CHODL: variants seen among roughly 807,000 people sequenced by gnomAD.
CHODL encodes the protein chondrolectin, also known as transmembrane protein MT75.
A neutral mutation model predicts 34.5 loss-of-function variants in CHODL; 29 were observed. The observed-to-expected ratio is 0.84, with a 90% CI of 0.63 to 1.15. The LOEUF (loss-of-function observed/expected upper bound fraction) is 1.15. Among genes scored for constraint, CHODL ranks in the 50% most tolerant of loss-of-function variants. The pLI is 0.00. For missense variants in CHODL, 332 were observed against 332.5 expected (o/e 1.00, Z 0.01); for synonymous variants, 125 against 116.1 (o/e 1.08, Z -0.49).
intron 2 of CHODL, among the ~76,000 whole-genome samples, chr21:18,062,951 AT>A (rs903150835): frequency 2.0e-5 from 3 of 152,194 alleles, no homozygotes; most frequent in African/African-American, 7.2e-5. Flanking sequence ...AATTCTTCTG[AT>A]TTTAAAAAAG....
At chr21:18,057,983 A>G (rs2064605458) in intron 2 of CHODL, among the ~76,000 whole-genome samples, 1 of 152,110 alleles carries the variant, frequency 6.6e-6, no homozygotes, top group Non-Finnish European at 1.5e-5. Flanking sequence ...GAGAACTTCA[A>G]AATCCTCTTG....
intron 2 of CHODL, among the ~76,000 whole-genome samples, chr21:18,232,969 A>ATATATATATATATG (rs1568947327): frequency 7.2e-6 from 1 of 138,958 alleles, no homozygotes; most frequent in African/African-American, 3.0e-5. Flanking sequence ...ATATATATAT[A>ATATATATATATATG]TATGTATATA....
intron 1 of CHODL, among the ~76,000 whole-genome samples, chr21:17,965,521 A>G (rs909003710): frequency 6.6e-6 from 1 of 152,086 alleles, no homozygotes. Flanking sequence ...TCAACTTTGA[A>G]ATGCCACCTC....
chr21:18,155,486 A>G (rs2073023757), intron 2 of CHODL, among the ~76,000 whole-genome samples: 1 of 152,200 alleles, frequency 6.6e-6, no homozygotes, highest in Non-Finnish European at 1.5e-5. Context: ...AGGAAAGAAG[A>G]GGTTCTTCCC....
At chr21:18,229,214 A>G (rs774502807) in intron 2 of CHODL, among the ~76,000 whole-genome samples, 2 of 152,206 alleles carry the variant, frequency 1.3e-5, no homozygotes, top group Non-Finnish European at 2.9e-5. Context: ...TTGCCTTCTT[A>G]TATGTGCAGA....
chr21:18,075,984 C>A (rs1301278458), intron 2 of CHODL, among the ~76,000 whole-genome samples: 3 of 152,194 alleles, frequency 2.0e-5, no homozygotes, highest in Non-Finnish European at 4.4e-5. Flanking sequence ...TTCCCAGACA[C>A]TGAATCTGGA....
chr21:17,996,832 C>T (rs368041612), intron 1 of CHODL, among the ~76,000 whole-genome samples: 1 of 152,102 alleles, frequency 6.6e-6, no homozygotes, highest in African/African-American at 2.4e-5. Flanking sequence ...AATTCATAAA[C>T]TCTTTGGATG....
At chr21:17,988,668 G>T (rs1413733243) in intron 1 of CHODL, among the ~76,000 whole-genome samples, 6 of 143,804 alleles carry the variant, frequency 4.2e-5, no homozygotes, top group Non-Finnish European at 7.5e-5. Flanking sequence ...TTGTTCTTGC[G>T]ATAGTTTACT....
At chr21:17,989,476 G>A (rs1227775253) in intron 1 of CHODL, among the ~76,000 whole-genome samples, 1 of 151,936 alleles carries the variant, frequency 6.6e-6, no homozygotes, top group East Asian at 1.9e-4. Context: ...CAAACTCCAG[G>A]GAGCACAAAA....
intron 1 of CHODL, among the ~76,000 whole-genome samples, chr21:18,009,145 C>T (rs1241316820): frequency 6.6e-6 from 1 of 152,074 alleles, no homozygotes; most frequent in Non-Finnish European, 1.5e-5. Flanking sequence ...CCAAACTGTA[C>T]TTATGATTTT....
intron 2 of CHODL, among the ~76,000 whole-genome samples, chr21:18,204,799 C>T (rs1423149634): frequency 6.6e-6 from 1 of 152,154 alleles, no homozygotes; most frequent in East Asian, 1.9e-4. Flanking sequence ...AATGTAATAA[C>T]ATAGATATTC....
intron 2 of CHODL, among the ~76,000 whole-genome samples, chr21:18,130,632 C>T (rs937840717): frequency 2.6e-5 from 4 of 152,050 alleles, no homozygotes; most frequent in Admixed American, 2.6e-4. Context: ...GCCATAGTAA[C>T]AGGCATTAAC....
chr21:18,213,104 ATTC>A (rs1399759065), intron 2 of CHODL, among the ~76,000 whole-genome samples: 1 of 152,118 alleles, frequency 6.6e-6, no homozygotes, highest in Non-Finnish European at 1.5e-5. Context: ...CATATGAACA[ATTC>A]TTCTTTCAGC....
chr21:18,001,224 A>C (rs2063902482), intron 1 of CHODL, among the ~76,000 whole-genome samples: 1 of 152,230 alleles, frequency 6.6e-6, no homozygotes, highest in African/African-American at 2.4e-5. Context: ...AAAAGAGCCA[A>C]ATGACTTCTA....
intron 1 of CHODL, among the ~76,000 whole-genome samples, chr21:17,967,962 A>T (rs1044203571): frequency 6.6e-6 from 1 of 152,184 alleles, no homozygotes; most frequent in African/African-American, 2.4e-5. Flanking sequence ...TTCAGAACCC[A>T]TGAGTGGAAC....
At chr21:18,227,795 G>A (rs1035370983) in intron 2 of CHODL, among the ~76,000 whole-genome samples, 6 of 152,132 alleles carry the variant, frequency 3.9e-5, no homozygotes, top group African/African-American at 1.2e-4. Context: ...CTTGCTTATG[G>A]TATAGATAAA....
chr21:18,265,322 T>TATAC (rs36075764), intron 5 of CHODL, among the ~76,000 whole-genome samples: 1 of 151,016 alleles, frequency 6.6e-6, no homozygotes, highest in African/African-American at 2.4e-5. Context: ...TATATATATA[T>TATAC]GATGGAATAC....
intron 2 of CHODL, chr21:18,100,130 C>T (rs1003125648): frequency 2.0e-5 from 3 of 151,542 alleles, no homozygotes; most frequent in Non-Finnish European, 4.4e-5. Flanking sequence ...ACAATAACAC[C>T]CTAAGTAGAC....
At chr21:17,918,399 C>A (rs1029912125) in intron 1 of CHODL, among the ~76,000 whole-genome samples, 2 of 151,664 alleles carry the variant, frequency 1.3e-5, no homozygotes, top group African/African-American at 4.9e-5. Context: ...TTTCACATGG[C>A]GGGGGGTTGA....
Sources: gnomAD v4.1 joint callset for allele counts (sites outside exome capture counted in the v4.1 genomes callset) on GRCh38, gnomAD v4.1.1 for gene constraint, MANE v1.5 for transcripts, NCBI Gene and HGNC (gene_info 2026-07-23, HGNC 2026-07-21) for gene names.